The following ZNF710 variants were observed in gnomAD, a reference collection of about 807,000 sequenced individuals.
ZNF710 encodes zinc finger protein 710.
Under a neutral mutation model 50.6 loss-of-function variants are expected in ZNF710, and 13 were observed. The observed-to-expected ratio is 0.26, with a 90% CI of 0.17 to 0.41. The LOEUF (loss-of-function observed/expected upper bound fraction) is 0.41. ZNF710 is among the 10% of genes least tolerant of loss of function. The probability of loss-of-function intolerance (pLI) is 1.00; values close to 1 mark genes in which losing one functional copy is unlikely to be tolerated. For synonymous variants in ZNF710, 383 were observed against 397.0 expected (o/e 0.96, Z 0.42); for missense variants, 721 against 936.6 (o/e 0.77, Z 3.01).
At position 90,067,370 on chromosome 15, in the gene ZNF710, A is replaced by G; in HGVS notation, c.233A>G (p.Glu78Gly). ...QLACNGRALE[E>G]PAEEEVLEVE... ...GCCTGCAACGGGAGGGCCTTGGAGG[A>G]GCCGGCGGAGGAGGAGGTGCTGGAG... Residue 78 changes from glutamate (E) to glycine (G), a missense_variant, in exon 2 of 5, where the codon GAG becomes GGG. Glu to Gly is a moderately conservative substitution (Grantham distance 98, BLOSUM62 -2). Coordinates refer to ENST00000268154, the MANE Select transcript of ZNF710 (RefSeq NM_198526.4). This position sits in a 1 kb window ranked among gnomAD's most constrained non-coding sequence, Gnocchi z 8.1. 6.3e-7 allele frequency: 1 copy of G among 1,596,474 alleles called. No homozygotes were observed. The highest frequency in any genetic ancestry group is 8.5e-7 in the Non-Finnish European group (1 of 1,171,420).
chr15:90,029,427 C>T (rs1898867377), intron 1 of ZNF710, among the ~76,000 whole-genome samples: 1 of 152,206 alleles, frequency 6.6e-6, no homozygotes, highest in Non-Finnish European at 1.5e-5. Context: ...AATGAACAAA[C>T]TCCAACTCAA....
chr15:90,066,722 C>G (rs1157143902), intron 1 of ZNF710, among the ~76,000 whole-genome samples: 6 of 152,160 alleles, frequency 3.9e-5, no homozygotes, highest in African/African-American at 1.4e-4. Context: ...AGGTGATCTG[C>G]CCATCTTGGC....
chr15:90,009,165 C>A (rs1343317482), intron 1 of ZNF710, among the ~76,000 whole-genome samples: 2 of 149,632 alleles, frequency 1.3e-5, no homozygotes, highest in African/African-American at 2.5e-5. Context: ...CTCGGTGGGA[C>A]TGCAAGGATA....
intron 1 of ZNF710, among the ~76,000 whole-genome samples, chr15:90,049,408 G>C (rs937258398): frequency 1.3e-5 from 2 of 152,168 alleles, no homozygotes; most frequent in African/African-American, 4.8e-5. Flanking sequence ...CAGGCAGAGG[G>C]GACGGAAACC....
At chr15:90,019,055 ATAAG>A (rs1268193679) in intron 1 of ZNF710, among the ~76,000 whole-genome samples, 6 of 151,794 alleles carry the variant, frequency 4.0e-5, no homozygotes, top group African/African-American at 7.2e-5. Flanking sequence ...TTTAGGGACT[ATAAG>A]TAGGCAAAAA....
Position 90,010,173 on chromosome 15 carries a change from C to T in ZNF710, c.-29+8559C>T, listed in dbSNP as rs540427895. Among the ~76,000 whole-genome samples the T allele has an allele frequency of 2.6e-5, 4 of 152,308 alleles. No homozygotes were observed. The South Asian group carries it at 8.3e-4, about 32-fold the overall frequency. On this transcript the variant is annotated intron_variant, in intron 1 of 4. Transcript: ENST00000268154. ...ACTCTTGGCCTATGATCCCTGTCCT[C>T]ATGTCTCCTGTAGACAGCCTAGGGC...
intron 1 of ZNF710, among the ~76,000 whole-genome samples, chr15:90,003,642 G>A (rs906569294): frequency 3.9e-5 from 6 of 152,172 alleles, no homozygotes; most frequent in Admixed American, 6.5e-5. Flanking sequence ...GATCAAAGCC[G>A]ATGGGGCTAT....
rs1179888353 is a variant in ZNF710, at chr15:90,067,419, C to T, written c.282C>T (p.His94=). 6.2e-7 allele frequency: 1 copy of T among 1,602,400 alleles called. No homozygotes were observed. Among genetic ancestry groups the T allele is most frequent in the East Asian group, 2.3e-5 (1 of 44,368 alleles). The part of the protein sequence containing the change: ...VLEVEAACEK[H]TRRKTRPPVR... ...AGGTGGAGGCAGCCTGTGAGAAGCA[C>T]ACCCGGCGGAAGACGCGGCCACCTG... The change falls in exon 2 of 5, where the codon CAC becomes CAT. Residue 94 remains histidine, a synonymous_variant. Transcript: ENST00000268154. The surrounding 1 kb of genome is among the most constrained non-coding windows in gnomAD (Gnocchi z 8.1).
At position 90,068,503 on chromosome 15, in the gene ZNF710, A is replaced by G; in HGVS notation, c.1366A>G (p.Lys456Glu). 6.2e-7 allele frequency: 1 copy of G among 1,613,830 alleles called. No homozygotes were observed. The highest frequency in any genetic ancestry group is 8.5e-7 in the Non-Finnish European group (1 of 1,180,028). The change falls in exon 2 of 5, where the codon AAG becomes GAG. Residue 456 changes from lysine to glutamate, a missense_variant. Around this residue, in one of 3 missense-constraint regions of ZNF710, gnomAD observed 326 missense variants for 522.0 expected, o/e 0.62. Transcript: ENST00000268154. This position sits in a 1 kb window ranked among gnomAD's most constrained non-coding sequence, Gnocchi z 5.0. ...CAGCCAGTTGCAGAACCACATGCTCAAGCACCAGAACGTGCGACCCTTCGT... is the reference window on the plus strand; with the variant it reads ...CAGCCAGTTGCAGAACCACATGCTCGAGCACCAGAACGTGCGACCCTTCGT... ...YRSQLQNHML[K>E]HQNVRPFVCT...
chr15:90,030,689 A>G (rs1393073577), intron 1 of ZNF710, among the ~76,000 whole-genome samples: 3 of 151,938 alleles, frequency 2.0e-5, no homozygotes, highest in Admixed American at 1.3e-4. Flanking sequence ...AAAGAGCTGT[A>G]TCTGTGCTGC....
In ZNF710 at chr15:90,073,147, T is replaced by C. The variant is rs768806513; in HGVS notation, c.1535T>C (p.Ile512Thr). ...LQANMKRHML[I>T]HTSVRPYQCH... is the part of the protein sequence containing the mutation. ...GCGAACATGAAGCGGCACATGCTGATCCACACCAGCGTCCGGCCCTACCAG... is the reference window on the plus strand; with the variant it reads ...GCGAACATGAAGCGGCACATGCTGACCCACACCAGCGTCCGGCCCTACCAG... The change falls in exon 3 of 5, where the codon ATC (isoleucine) becomes ACC (threonine). Residue 512 changes from isoleucine (I) to threonine (T), a missense_variant. Physicochemically the swap from Ile to Thr is moderately conservative, Grantham distance 89. Coordinates refer to ENST00000268154, the MANE Select transcript of ZNF710 (RefSeq NM_198526.4). 1.2e-6 allele frequency: 2 copies of C among 1,614,026 alleles called. No homozygotes were observed. The highest frequency in any genetic ancestry group is 1.7e-6 in the Non-Finnish European group (2 of 1,180,036).
In ZNF710 at chr15:90,068,845, C is replaced by T. The variant is rs891967404; in HGVS notation, c.1458+250C>T. The stretch of plus-strand genomic sequence containing the variant: ...CAATGGCTCATGCCTGTAATCCCAG[C>T]GCTTTGGGAGGCCAAGGCAGGCAGA... On this transcript the variant is annotated intron_variant, in intron 2 of 4. Transcript: ENST00000268154. This position sits in a 1 kb window ranked among gnomAD's most constrained non-coding sequence, Gnocchi z 5.0. Among the ~76,000 whole-genome samples the T allele has an allele frequency of 1.3e-5, 2 of 152,196 alleles. No homozygotes were observed. Among genetic ancestry groups the T allele is most frequent in the Non-Finnish European group, 2.9e-5 (2 of 68,028 alleles).
intron 1 of ZNF710, among the ~76,000 whole-genome samples, chr15:90,052,826 G>A (rs1488612610): frequency 6.6e-6 from 1 of 152,194 alleles, no homozygotes; most frequent in Non-Finnish European, 1.5e-5. Context: ...CCAGCTACTT[G>A]GGAGGCTGAG....
chr15:90,079,414 C>T (rs1474194054), intron 4 of ZNF710, among the ~76,000 whole-genome samples: 1 of 152,200 alleles, frequency 6.6e-6, no homozygotes. Flanking sequence ...AGTTCTCCAC[C>T]ACAAAGGCCC....
At chr15:90,048,932 C>A (rs1481104985) in intron 1 of ZNF710, among the ~76,000 whole-genome samples, 1 of 152,166 alleles carries the variant, frequency 6.6e-6, no homozygotes, top group Admixed American at 6.5e-5. Context: ...CTAGAACCTT[C>A]CGTGGGACCG....
At chr15:90,058,434 G>A (rs1325875251) in intron 1 of ZNF710, among the ~76,000 whole-genome samples, 1 of 152,126 alleles carries the variant, frequency 6.6e-6, no homozygotes, top group Non-Finnish European at 1.5e-5. Context: ...GCAAAGCCTT[G>A]GTAGAACTCT....
At chr15:90,007,961 A>G (rs1446851437) in intron 1 of ZNF710, among the ~76,000 whole-genome samples, 3 of 152,106 alleles carry the variant, frequency 2.0e-5, no homozygotes, top group African/African-American at 7.2e-5. Flanking sequence ...GCTTGTTTGC[A>G]AAGAAAGTAA....
intron 1 of ZNF710, among the ~76,000 whole-genome samples, chr15:90,019,571 T>C (rs985839021): frequency 3.9e-5 from 6 of 152,248 alleles, no homozygotes; most frequent in Non-Finnish European, 8.8e-5. Flanking sequence ...AACATGGTTG[T>C]GAGTCTTTCA....
intron 4 of ZNF710, 102 bp downstream of exon 4, chr15:90,074,392 G>C: frequency 6.4e-7 from 1 of 1,574,024 alleles, no homozygotes; most frequent in Non-Finnish European, 8.6e-7. Context: ...GGCCAAGGCT[G>C]AGACTTCGTT....
Sources: gnomAD v4.1 joint callset for allele counts (sites outside exome capture counted in the v4.1 genomes callset) on GRCh38, gnomAD v4.1.1 for gene constraint, gnomAD v4.1.1 regional missense constraint, Gnocchi (gnomAD v3.1) non-coding constraint, MANE v1.5 for transcripts, NCBI Gene and HGNC (gene_info 2026-07-23, HGNC 2026-07-21) for gene names.